GRID1: variants seen among roughly 807,000 people sequenced by gnomAD.
GRID1 encodes glutamate ionotropic receptor delta type subunit 1.
Under a neutral mutation model 98.0 loss-of-function variants are expected in GRID1, and 28 were observed. The observed-to-expected ratio is 0.29, with a 90% CI of 0.21 to 0.39. GRID1 has a LOEUF of 0.39. GRID1 is among the 10% of genes least tolerant of loss of function. GRID1 has a pLI of 1.00. For missense variants in GRID1, 1,111 were observed against 1,340.5 expected (o/e 0.83, Z 2.67); for synonymous variants, 553 against 538.5 (o/e 1.03, Z -0.37).
intron 4 of GRID1, among the ~76,000 whole-genome samples, chr10:86,102,757 G>A (rs1037280192): frequency 8.6e-5 from 13 of 151,848 alleles, no homozygotes; most frequent in Middle Eastern, 3.2e-3. Context: ...ACCAGACTGC[G>A]AGGCCTATGG....
At chr10:86,019,204 T>C (rs1200498002) in intron 4 of GRID1, among the ~76,000 whole-genome samples, 1 of 152,230 alleles carries the variant, frequency 6.6e-6, no homozygotes, top group Non-Finnish European at 1.5e-5. Flanking sequence ...CAGTTTGGCA[T>C]CTGCACCACA....
At position 86,333,700 on chromosome 10, in the gene GRID1, T is replaced by C. The variant is rs1251360294; in HGVS notation, c.235+30241A>G. Among the ~76,000 whole-genome samples, 31 of 152,236 alleles carry C rather than the reference T, an allele frequency of 2.0e-4. 1 individual carries two copies. The highest frequency in any genetic ancestry group is 2.0e-3 in the Admixed American group (31 of 15,280). On this transcript the variant is annotated intron_variant, in intron 2 of 15. Coordinates refer to ENST00000327946, the MANE Select transcript of GRID1 (RefSeq NM_017551.3). ...ATTTGTGCATGTTGAATGTATTATA[T>C]ACTGTATTCTTACAATAAACTAGAG...
intron 2 of GRID1, among the ~76,000 whole-genome samples, chr10:86,291,503 C>T (rs961911801): frequency 1.3e-5 from 2 of 152,164 alleles, no homozygotes; most frequent in African/African-American, 4.8e-5. Flanking sequence ...AGCCCTGCCT[C>T]AGCCCAGGGG....
At chr10:85,692,464 C>T (rs902391822) in intron 12 of GRID1, among the ~76,000 whole-genome samples, 4 of 151,708 alleles carry the variant, frequency 2.6e-5, no homozygotes, top group African/African-American at 9.7e-5. Context: ...GAGTTTGAGG[C>T]CAGTCTGGGA....
At chr10:85,860,591 A>T (rs1438362596) in intron 6 of GRID1, among the ~76,000 whole-genome samples, 1 of 152,160 alleles carries the variant, frequency 6.6e-6, no homozygotes, top group Admixed American at 6.5e-5. Context: ...GATTTTCGGC[A>T]AGTTTCTCTC....
chr10:85,955,029 A>G (rs1008868623), intron 4 of GRID1, among the ~76,000 whole-genome samples: 1 of 152,216 alleles, frequency 6.6e-6, no homozygotes, highest in Non-Finnish European at 1.5e-5. Flanking sequence ...CAAAAATACA[A>G]AAAACATGCC....
Position 86,363,855 on chromosome 10 carries a change from C to T in GRID1, c.235+86G>A, listed in dbSNP as rs368115123. 33 of 1,195,822 alleles carry T rather than the reference C, an allele frequency of 2.8e-5. No homozygotes were observed. The African/African-American group carries it at 4.7e-4, about 17-fold the overall frequency. 74.1% of individuals were successfully genotyped at this position (1,195,822 alleles called of 1,614,324 possible). A position where few individuals can be genotyped will look rare whatever the true frequency, so the allele number is the denominator to read the frequency against. On this transcript the variant is annotated intron_variant, in intron 2 of 15. Coordinates refer to ENST00000327946, the MANE Select transcript of GRID1 (RefSeq NM_017551.3). ...GGAACAGAGGGTGCCCTGCGCAGCC[C>T]AGCTCGTCCCAACCCCTCCGGTGCC...
In GRID1 at chr10:86,158,418, C is replaced by T. The variant is rs1479981398; in HGVS notation, c.521-19394G>A. The stretch of plus-strand genomic sequence containing the variant: ...ACCATCATCAGAAATTACTCACTCA[C>T]CTACTAAGCCACTGGAAGCAGCTGA... On this transcript the variant is annotated intron_variant, in intron 3 of 15. Transcript: ENST00000327946. Among the ~76,000 whole-genome samples the T allele has an allele frequency of 3.9e-5, 6 of 152,222 alleles. No individual in the cohort carries two copies. In the East Asian group the frequency reaches 9.6e-4, roughly 24 times the overall value.
chr10:85,668,420 C>G (rs115895826), intron 12 of GRID1, among the ~76,000 whole-genome samples: 2,404 of 152,206 alleles, frequency 0.016, 64 homozygotes, highest in African/African-American at 0.054. Flanking sequence ...GAAAATGTGC[C>G]TATTCTTGAC....
intron 4 of GRID1, among the ~76,000 whole-genome samples, chr10:85,975,119 T>A (rs1254005381): frequency 6.6e-6 from 1 of 152,272 alleles, no homozygotes; most frequent in Non-Finnish European, 1.5e-5. Context: ...TTTGCCCAAA[T>A]GAATTTGTCC....
chr10:86,295,705 C>T (rs1164461418), intron 2 of GRID1, among the ~76,000 whole-genome samples: 1 of 152,108 alleles, frequency 6.6e-6, no homozygotes, highest in Admixed American at 6.5e-5. Context: ...TGGGGTTTTG[C>T]CCAGTGCTAC....
chr10:86,102,551 C>T (rs553739414), intron 4 of GRID1, among the ~76,000 whole-genome samples: 1 of 152,308 alleles, frequency 6.6e-6, no homozygotes, highest in South Asian at 2.1e-4. Flanking sequence ...CGCTGCCACA[C>T]CATTTGCTTT....
intron 4 of GRID1, among the ~76,000 whole-genome samples, chr10:85,972,422 A>T (rs1195328214): frequency 6.7e-6 from 1 of 148,626 alleles, no homozygotes; most frequent in Non-Finnish European, 1.5e-5. Flanking sequence ...GGCCTTAGTC[A>T]TGTATATATT....
At chr10:86,325,888 G>A (rs575266217) in intron 2 of GRID1, among the ~76,000 whole-genome samples, 2 of 152,286 alleles carry the variant, frequency 1.3e-5, no homozygotes, top group East Asian at 1.9e-4. Flanking sequence ...CCCAGACAAC[G>A]TGACAGCACC....
intron 2 of GRID1, among the ~76,000 whole-genome samples, chr10:86,209,928 T>C (rs1846083724): frequency 6.6e-6 from 1 of 152,182 alleles, no homozygotes; most frequent in Admixed American, 6.5e-5. Context: ...TGCATGCCAC[T>C]GGCTCCTGCC....
intron 2 of GRID1, among the ~76,000 whole-genome samples, chr10:86,287,671 G>A (rs750912534): frequency 3.9e-5 from 6 of 152,078 alleles, no homozygotes; most frequent in African/African-American, 7.2e-5. Flanking sequence ...ACAGGTGACC[G>A]CGTATCCTCG....
chr10:86,294,118 A>G (rs1847554280), intron 2 of GRID1, among the ~76,000 whole-genome samples: 1 of 152,196 alleles, frequency 6.6e-6, no homozygotes, highest in Non-Finnish European at 1.5e-5. Context: ...GAGGCTAGGC[A>G]GGCCTGGTCA....
At chr10:85,961,015 G>T (rs913065736) in intron 4 of GRID1, among the ~76,000 whole-genome samples, 2 of 151,964 alleles carry the variant, frequency 1.3e-5, no homozygotes, top group African/African-American at 4.8e-5. Flanking sequence ...AGCTCTCTGT[G>T]GTGTCTAGGC....
At chr10:85,616,106 G>A (rs535373183) in intron 14 of GRID1, among the ~76,000 whole-genome samples, 1 of 152,292 alleles carries the variant, frequency 6.6e-6, no homozygotes, top group South Asian at 2.1e-4. Flanking sequence ...CATAAAAGCT[G>A]GTTAGTAGTT....
Sources: allele counts gnomAD v4.1 joint callset (sites outside exome capture counted in the v4.1 genomes callset), GRCh38; gene constraint gnomAD v4.1.1; transcripts MANE v1.5; gene names NCBI Gene and HGNC (gene_info 2026-07-23, HGNC 2026-07-21).